Variants in INSRR observed in about 807,000 individuals in gnomAD.
INSRR encodes insulin receptor-related protein.
In INSRR, 114 loss-of-function variants were observed where a neutral mutation model predicts 130.0. The observed-to-expected ratio is 0.88, with a 90% CI of 0.75 to 1.02. The LOEUF is 1.02. INSRR is among the 50% of genes least tolerant of loss of function. The pLI, the probability that INSRR is intolerant of heterozygous loss-of-function variation, is 0.00. For missense variants in INSRR, 1,657 were observed against 1,735.2 expected (o/e 0.95, Z 0.80); for synonymous variants, 674 against 705.2 (o/e 0.96, Z 0.70).
Position 156,843,035 on chromosome 1 carries a change from GA to G in INSRR, c.3094del (p.Ser1032LeufsTer3). The G allele has an allele frequency of 6.2e-7, 1 of 1,614,022 alleles. No homozygotes were observed. Among genetic ancestry groups the G allele is most frequent in the Non-Finnish European group, 8.5e-7 (1 of 1,179,910 alleles). On this transcript the variant is annotated frameshift_variant, in exon 17 of 22. Coordinates refer to ENST00000368195, the MANE Select transcript of INSRR (RefSeq NM_014215.3). LOFTEE classifies it high-confidence loss of function. Reference protein sequence around the residue: ...RECIEFLKEASVMKAFKCHHV... With the variant: ...RECIEFLKEAXVMKAFKCHHV... ...GTGACACTTGAAGGCTTTCATGACAGAAGCTTCCTTGAGGAACTCAATGCAT... is the reference window on the plus strand; with the variant it reads ...GTGACACTTGAAGGCTTTCATGACAGAGCTTCCTTGAGGAACTCAATGCAT...
At chr1:156,850,982 T>C (rs1655184977) in intron 5 of INSRR, among the ~76,000 whole-genome samples, 1 of 152,254 alleles carries the variant, frequency 6.6e-6, no homozygotes, top group Admixed American at 6.5e-5. Context: ...ATGACAATTA[T>C]AGCCAACTGT....
rs747555254 is a variant in INSRR, at chr1:156,842,420, C to G, written c.3215G>C (p.Arg1072Pro). Reference sequence around the variant, plus strand: ...TACCTCTGCCTCAGGCCGCAAAGATCGAAGATGGCTCTTGAGGTCCCCACG... The same window carrying G: ...TACCTCTGCCTCAGGCCGCAAAGATGGAAGATGGCTCTTGAGGTCCCCACG... ...MTRGDLKSHL[R>P]SLRPEAENNP... Residue 1072 changes from arginine (R) to proline (P), a missense_variant, in exon 18 of 22, where the codon CGA becomes CCA. Coordinates refer to ENST00000368195, the MANE Select transcript of INSRR (RefSeq NM_014215.3). The G allele has an allele frequency of 6.2e-7, 1 of 1,614,060 alleles. No individual in the cohort carries two copies.
Position 156,842,512 on chromosome 1 carries a change from GGACA to G in INSRR, c.3127-8_3127-5del. The stretch of plus-strand genomic sequence containing the variant: ...ATACCACACCCAGGAGACGCACCTG[GGACA>G]GACAAAGGGCCTAGCAGACCCCCTA... On this transcript the variant is annotated splice_region_variant and splice_polypyrimidine_tract_variant and intron_variant, in intron 17 of 21. Coordinates refer to ENST00000368195, the MANE Select transcript of INSRR (RefSeq NM_014215.3). 6.2e-7 allele frequency: 1 copy of G among 1,612,504 alleles called. No individual in the cohort carries two copies. The highest frequency in any genetic ancestry group is 8.5e-7 in the Non-Finnish European group (1 of 1,178,620).
rs1462689313 is a variant in INSRR at position 156,851,588 on chromosome 1, T to A, written c.1084+58A>T. 1.1e-5 allele frequency: 18 copies of A among 1,612,382 alleles called. No homozygotes were observed. In the South Asian group the frequency reaches 2.0e-4, roughly 18 times the overall value. ...CTGAGTTGGGTCATTGTAAGGGTTG[T>A]GTCTGGGAGGAAGGGTATGACCAGG... On this transcript the variant is annotated intron_variant, in intron 4 of 21. Transcript: ENST00000368195.
At chr1:156,841,252 G>C in intron 21 of INSRR, 142 bp downstream of exon 21, 1 of 991,290 alleles carries the variant, frequency 1.0e-6, no homozygotes, top group Non-Finnish European at 1.6e-6. Flanking sequence ...AGTCTTGGGG[G>C]TTTGGGATAG....
intron 2 of INSRR, among the ~76,000 whole-genome samples, chr1:156,853,458 C>T (rs1655298322): frequency 6.6e-6 from 1 of 152,238 alleles, no homozygotes; most frequent in Non-Finnish European, 1.5e-5. Context: ...CCCCACACTG[C>T]TTCTTGCGCT....
Position 156,844,805 on chromosome 1 carries a change from C to T in INSRR, c.2476G>A (p.Ala826Thr), listed in dbSNP as rs1654931393. Residue 826 changes from alanine (A) to threonine (T), a missense_variant, in exon 13 of 22, where the codon GCC becomes ACC. By Grantham distance (58) the Ala-to-Thr change is moderately conservative. Coordinates refer to ENST00000368195, the MANE Select transcript of INSRR (RefSeq NM_014215.3). ...AGAAGGACACTGTTCTTGCTGGAGG[C>T]CTCCCAGGCCACCTTTCCTGGAATA... ...DGIPGKVAWEASSKNSVLLRW... is the reference protein window; with the variant it reads ...DGIPGKVAWETSSKNSVLLRW... 6.2e-7 allele frequency: 1 copy of T among 1,614,122 alleles called. No individual in the cohort carries two copies. Among genetic ancestry groups the T allele is most frequent in the East Asian group, 2.2e-5 (1 of 44,858 alleles).
In INSRR at chr1:156,851,454, G is replaced by A. The variant is rs1187178923; in HGVS notation, c.1085-20C>T. 5 of 1,614,056 alleles carry A rather than the reference G, an allele frequency of 3.1e-6. No individual in the cohort carries two copies. In the Admixed American group the frequency reaches 5.0e-5, roughly 16 times the overall value. ...GGTTGTCTAGGGATGGGAAGACAGG[G>A]CTGGAGTAGGAGCAAGGAAGGTGAT... is the stretch of plus-strand genomic sequence containing the variant. On this transcript the variant is annotated intron_variant, in intron 4 of 21. Transcript: ENST00000368195.
chr1:156,843,453 T>A lies in INSRR; in HGVS notation c.2870A>T (p.Asn957Ile). 1 of 1,614,204 alleles carries A rather than the reference T, an allele frequency of 6.2e-7. No individual in the cohort carries two copies. Among genetic ancestry groups the A allele is most frequent in the Non-Finnish European group, 8.5e-7 (1 of 1,180,030 alleles). The change falls in exon 16 of 22, where the codon AAT becomes ATT. Residue 957 changes from asparagine (N) to isoleucine (I), a missense_variant. Physicochemically the swap from Asn to Ile is moderately radical, Grantham distance 149. Transcript: ENST00000368195. ...KRNRTLYASV[N>I]PEYFSASDMY... is the part of the protein sequence containing the mutation. ...ATCAGAGGCGCTGAAGTACTCTGGA[T>A]TCACAGAAGCATACAGGGTTCTGTT...
chr1:156,843,285 T>C, intron 16 of INSRR, 52 bp from the exon 17 acceptor site: 2 of 1,581,726 alleles, frequency 1.3e-6, no homozygotes, highest in Non-Finnish European at 1.7e-6. Context: ...CTGCCACACC[T>C]CACCCCCCAA....
chr1:156,853,867 C>T lies in INSRR; in HGVS notation c.522G>A (p.Glu174=), dbSNP rs1655316494. ...ANHIVGNKLG[E]ECADVCPGVL... ...CACCAGGGCACACGTCAGCACACTC[C>T]TCGCCCAGCTTGTTGCCCACGATGT... The change falls in exon 2 of 22, where the codon GAG becomes GAA. Residue 174 remains glutamate (E), a synonymous_variant. Coordinates refer to ENST00000368195, the MANE Select transcript of INSRR (RefSeq NM_014215.3). 6.2e-7 allele frequency: 1 copy of T among 1,614,000 alleles called. No individual in the cohort carries two copies. Among genetic ancestry groups the T allele is most frequent in the African/African-American group, 1.3e-5 (1 of 74,944 alleles).
chr1:156,849,463 G>T lies in INSRR; in HGVS notation c.1230-3C>A. ...CCAGCACGTAGAGAGTGTAGTTCCT[G>T]GGGGAGGCCAGGGGACCTTGCTCTG... is the stretch of plus-strand genomic sequence containing the variant. On this transcript the variant is annotated splice_region_variant and splice_polypyrimidine_tract_variant and intron_variant, in intron 5 of 21. Transcript: ENST00000368195. 6.2e-7 allele frequency: 1 copy of T among 1,610,442 alleles called. No homozygotes were observed. Among genetic ancestry groups the T allele is most frequent in the Non-Finnish European group, 8.5e-7 (1 of 1,177,462 alleles).
At position 156,853,910 on chromosome 1, in the gene INSRR, G is replaced by T. The variant is rs1272289441; in HGVS notation, c.479C>A (p.Pro160Gln). ...LSTIDWGLLQ[P>Q]APGANHIVGN... ...CACGATGTGGTTGGCGCCAGGTGCT[G>T]GCTGCAGCAGTCCCCAGTCAATGGT... The change falls in exon 2 of 22, where the codon CCA (proline) becomes CAA (glutamine). Residue 160 changes from proline (P) to glutamine (Q), a missense_variant. Pro to Gln is a moderately conservative substitution (Grantham distance 76). Coordinates refer to ENST00000368195, the MANE Select transcript of INSRR (RefSeq NM_014215.3). The T allele has an allele frequency of 6.2e-7, 1 of 1,614,024 alleles. No homozygotes were observed. The highest frequency in any genetic ancestry group is 1.3e-5 in the African/African-American group (1 of 74,950).
intron 19 of INSRR, 148 bp downstream of exon 19, chr1:156,841,964 T>C (rs1654806896): frequency 6.4e-7 from 1 of 1,554,812 alleles, no homozygotes; most frequent in African/African-American, 1.4e-5. Context: ...CCCTCTGCCC[T>C]TGGACAAGAG....
chr1:156,845,584 A>C (rs1173734344), intron 10 of INSRR, 35 bp downstream of exon 10: 1 of 1,275,530 alleles, frequency 7.8e-7, no homozygotes, highest in Non-Finnish European at 1.0e-6. Context: ...GGCCCCACTC[A>C]TCAGACCCTC....
At chr1:156,853,623 C>T in intron 2 of INSRR, 129 bp downstream of exon 2, 1 of 965,064 alleles carries the variant, frequency 1.0e-6, no homozygotes, top group East Asian at 2.5e-5. Flanking sequence ...TTACCTGCCT[C>T]ATAGGATGAG....
At chr1:156,855,687 T>C (rs1005110202) in intron 1 of INSRR, among the ~76,000 whole-genome samples, 4 of 151,962 alleles carry the variant, frequency 2.6e-5, no homozygotes, top group Non-Finnish European at 5.9e-5. Flanking sequence ...TAGCCAGGCA[T>C]GGTGGTGCAC....
In INSRR at chr1:156,844,777, C is replaced by T. The variant is rs761731236; in HGVS notation, c.2504G>A (p.Arg835His). ...GTTGGGGTCTGGTGGCTCGAGCCAGCGCAGAAGGACACTGTTCTTGCTGGA... is the reference window on the plus strand; with the variant it reads ...GTTGGGGTCTGGTGGCTCGAGCCAGTGCAGAAGGACACTGTTCTTGCTGGA... ...EASSKNSVLL[R>H]WLEPPDPNGL... The change falls in exon 13 of 22, where the codon CGC becomes CAC. Residue 835 changes from arginine to histidine, a missense_variant. Transcript: ENST00000368195. 1.5e-5 allele frequency: 25 copies of T among 1,614,012 alleles called. 1 individual carries two copies. The East Asian group carries it at 2.9e-4, about 19-fold the overall frequency.
intron 4 of INSRR, 57 bp from the exon 5 acceptor site, chr1:156,851,491 G>A (rs781691038): frequency 2.5e-6 from 4 of 1,609,730 alleles, no homozygotes; most frequent in Non-Finnish European, 3.4e-6. Context: ...GGTCTGTGGG[G>A]CAAGGGGGCT....
Sources: gnomAD v4.1 joint callset for allele counts (sites outside exome capture counted in the v4.1 genomes callset) on GRCh38, gnomAD v4.1.1 for gene constraint, MANE v1.5 for transcripts, NCBI Gene and HGNC (gene_info 2026-07-23, HGNC 2026-07-21) for gene names.